The following WDR41 variants were observed in gnomAD, a reference collection of about 807,000 sequenced individuals.
WDR41 encodes the protein WD repeat-containing protein 41.
Under a neutral mutation model 69.3 loss-of-function variants are expected in WDR41, and 63 were observed. The observed-to-expected ratio is 0.91, with a 90% CI of 0.74 to 1.12. The LOEUF (loss-of-function observed/expected upper bound fraction) is 1.12, where lower values mean the gene tolerates loss of function less well. WDR41 is among the 50% of genes most tolerant of loss of function. The pLI is 0.00. For synonymous variants in WDR41, 185 were observed against 192.1 expected (o/e 0.96, Z 0.31); for missense variants, 543 against 534.5 (o/e 1.02, Z -0.16).
chr5:77,529,479 C>A (rs1010828967), intron 1 of WDR41, among the ~76,000 whole-genome samples: 3 of 151,500 alleles, frequency 2.0e-5, no homozygotes, highest in Non-Finnish European at 4.4e-5. Context: ...AATAAAACCA[C>A]AATCAAAACC....
intron 1 of WDR41, among the ~76,000 whole-genome samples, chr5:77,591,438 A>G (rs1009638948): frequency 2.0e-5 from 3 of 151,646 alleles, no homozygotes; most frequent in African/African-American, 7.3e-5. Context: ...CTCTTCTTCC[A>G]TTTCAGGTTT....
At chr5:77,567,663 T>TAAAAAAAAAAA (rs60723638) in intron 1 of WDR41, among the ~76,000 whole-genome samples, 3 of 106,382 alleles carry the variant, frequency 2.8e-5, no homozygotes, top group East Asian at 2.5e-4. Context: ...AACCAAATAG[T>TAAAAAAAAAAA]AAAAAAAAAA....
rs562306697 is a variant in WDR41, at chr5:77,617,465, T to C, written c.42+3014A>G. ...GGGCAAGCATCTATAGAATCAGACA[T>C]TCAAATATATTTTGAGTGAATAAAT... is the stretch of plus-strand genomic sequence containing the variant. On this transcript the variant is annotated intron_variant, in intron 1 of 5. Transcript: ENST00000509971. Among the ~76,000 whole-genome samples, 283 of 152,294 alleles carry C rather than the reference T, an allele frequency of 1.9e-3. 1 individual carries two copies. Among genetic ancestry groups the C allele is most frequent in the African/African-American group, 6.4e-3 (268 of 41,566 alleles).
At chr5:77,483,552 T>A (rs1801382976) in intron 2 of WDR41, among the ~76,000 whole-genome samples, 1 of 151,890 alleles carries the variant, frequency 6.6e-6, no homozygotes, top group African/African-American at 2.4e-5. Flanking sequence ...GATATACTTC[T>A]TTTTCGCTCA....
chr5:77,602,458 C>G (rs976841266), intron 1 of WDR41, among the ~76,000 whole-genome samples: 6 of 152,036 alleles, frequency 3.9e-5, no homozygotes, highest in African/African-American at 1.4e-4. Flanking sequence ...TCTTTATGTC[C>G]ATGAGATCAG....
chr5:77,496,804 A>T (rs955747112), upstream of WDR41, among the ~76,000 whole-genome samples: 2 of 152,152 alleles, frequency 1.3e-5, no homozygotes, highest in Non-Finnish European at 1.5e-5. Flanking sequence ...AATAGCCAAA[A>T]TAATCTTGAA....
At chr5:77,525,445 A>C (rs1802431563) in intron 1 of WDR41, among the ~76,000 whole-genome samples, 1 of 152,220 alleles carries the variant, frequency 6.6e-6, no homozygotes, top group Non-Finnish European at 1.5e-5. Flanking sequence ...GTGAAGGTAC[A>C]TGCAGTGAGA....
chr5:77,498,161 T>C (rs572806513), intron 1 of WDR41, among the ~76,000 whole-genome samples: 1 of 152,280 alleles, frequency 6.6e-6, no homozygotes, highest in Admixed American at 6.5e-5. Flanking sequence ...CATTTGTATA[T>C]AGTGGTGATG....
chr5:77,552,527 C>T (rs1265055662), intron 1 of WDR41, among the ~76,000 whole-genome samples: 2 of 151,924 alleles, frequency 1.3e-5, no homozygotes, highest in African/African-American at 2.4e-5. Flanking sequence ...TTTCATAGAC[C>T]GAGGCAAGCT....
At chr5:77,487,986 G>A (rs1801599790) in intron 2 of WDR41, among the ~76,000 whole-genome samples, 1 of 152,266 alleles carries the variant, frequency 6.6e-6, no homozygotes, top group East Asian at 1.9e-4. Context: ...GACCCCCTAG[G>A]CCTTGCCCTA....
intron 6 of WDR41, among the ~76,000 whole-genome samples, chr5:77,453,569 A>C (rs1023502632): frequency 2.0e-5 from 3 of 152,230 alleles, no homozygotes; most frequent in African/African-American, 7.2e-5. Context: ...CACCAAACAC[A>C]GTTCAGGAAA....
At chr5:77,529,672 A>G (rs140698770) in intron 1 of WDR41, among the ~76,000 whole-genome samples, 2 of 151,684 alleles carry the variant, frequency 1.3e-5, no homozygotes, top group African/African-American at 4.8e-5. Context: ...AAGACAGACC[A>G]ACAGATCAAT....
intron 1 of WDR41, among the ~76,000 whole-genome samples, chr5:77,601,233 A>G (rs185132673): frequency 6.6e-6 from 1 of 152,292 alleles, no homozygotes; most frequent in Non-Finnish European, 1.5e-5. Context: ...AAATCATCAG[A>G]AGAAAAATTT....
intron 8 of WDR41, among the ~76,000 whole-genome samples, chr5:77,441,743 C>T (rs1021592491): frequency 6.6e-6 from 1 of 151,656 alleles, no homozygotes; most frequent in Non-Finnish European, 1.5e-5. Context: ...GTCTAAAACA[C>T]ACACACACAC....
chr5:77,602,464 A>T (rs1442313940), intron 1 of WDR41, among the ~76,000 whole-genome samples: 1 of 152,008 alleles, frequency 6.6e-6, no homozygotes, highest in Non-Finnish European at 1.5e-5. Context: ...TGTCCATGAG[A>T]TCAGTTTTTT....
At chr5:77,434,538 C>A (rs1195609146) in intron 12 of WDR41, among the ~76,000 whole-genome samples, 2 of 151,854 alleles carry the variant, frequency 1.3e-5, no homozygotes, top group Non-Finnish European at 2.9e-5. Flanking sequence ...CACCCCATCT[C>A]TACTAAAAGT....
chr5:77,473,051 T>C (rs961262641), intron 2 of WDR41, among the ~76,000 whole-genome samples: 5 of 151,904 alleles, frequency 3.3e-5, no homozygotes, highest in Admixed American at 2.0e-4. Flanking sequence ...CAAAACAGCA[T>C]GATACTGGTA....
At chr5:77,461,431 T>C (rs1421968813) in intron 4 of WDR41, among the ~76,000 whole-genome samples, 1 of 152,258 alleles carries the variant, frequency 6.6e-6, no homozygotes, top group Non-Finnish European at 1.5e-5. Context: ...TGTTCAAGTC[T>C]GTATCTTGGT....
At chr5:77,501,143 G>A (rs532469109) in intron 1 of WDR41, among the ~76,000 whole-genome samples, 2 of 152,358 alleles carry the variant, frequency 1.3e-5, no homozygotes, top group South Asian at 4.1e-4. Context: ...GTGACAGACT[G>A]TACCTGGAAA....
Sources: gnomAD v4.1 joint callset for allele counts (sites outside exome capture counted in the v4.1 genomes callset) on GRCh38, gnomAD v4.1.1 for gene constraint, MANE v1.5 for transcripts, NCBI Gene and HGNC (gene_info 2026-07-23, HGNC 2026-07-21) for gene names.